Variants in PKHD1 observed in about 807,000 individuals in gnomAD.
PKHD1 encodes the protein PKHD1 ciliary IPT domain containing fibrocystin/polyductin.
In PKHD1, 291 loss-of-function variants were observed where a neutral mutation model predicts 412.0. The observed-to-expected ratio is 0.71, with a 90% CI of 0.64 to 0.78. The LOEUF (loss-of-function observed/expected upper bound fraction) is 0.78, where lower values mean the gene tolerates loss of function less well. Among genes scored for constraint, PKHD1 ranks in the 30% least tolerant of loss-of-function variants. The probability of loss-of-function intolerance (pLI) is 0.00; values close to 1 mark genes in which losing one functional copy is unlikely to be tolerated. For missense variants in PKHD1, 4,825 were observed against 4,950.7 expected, an observed-to-expected ratio of 0.97 and a Z score of 0.76; for synonymous variants, 1,777 against 1,821.5, an observed-to-expected ratio of 0.98 and a Z score of 0.62.
rs964016510 is a variant in PKHD1 at position 51,739,042 on chromosome 6, AT to A, written c.10156+5342del. 6.8e-5 allele frequency among the ~76,000 whole-genome samples: 10 copies of A among 147,184 alleles called. No individual in the cohort carries two copies. The East Asian group carries it at 1.2e-3, about 17-fold the overall frequency. On this transcript the variant is annotated intron_variant, in intron 60 of 66. Coordinates refer to ENST00000371117, the MANE Select transcript of PKHD1 (RefSeq NM_138694.4). The stretch of plus-strand genomic sequence containing the variant: ...GTGTGTATGTACTTTATATATATAT[AT>A]TTTTTATTTTATATATACGTATTTT...
intron 29 of PKHD1, among the ~76,000 whole-genome samples, chr6:52,030,085 T>C (rs1285069865): frequency 6.6e-6 from 1 of 152,192 alleles, no homozygotes; most frequent in Non-Finnish European, 1.5e-5. Flanking sequence ...CTAGCTCCTT[T>C]AGCCTGTAAC....
chr6:51,909,426 G>C lies in PKHD1; in HGVS notation c.6539C>G (p.Ser2180Cys), dbSNP rs1219696451. ...LYSMSEKMLG[S>C]RDMGARVIVQ... is the part of the protein sequence containing the mutation. ...GATCACTCTGGCTCCCATATCCCTG[G>C]ATCCTAGCATCTTCTCACTCATGGA... The change falls in exon 40 of 67, where the codon TCC becomes TGC. Residue 2180 changes from serine (S) to cysteine (C), a missense_variant. Transcript: ENST00000371117. The C allele has an allele frequency of 6.2e-7, 1 of 1,613,348 alleles. No individual in the cohort carries two copies. Among genetic ancestry groups the C allele is most frequent in the South Asian group, 1.1e-5 (1 of 91,064 alleles).
At chr6:52,070,603 C>CA (rs1224585393) in intron 9 of PKHD1, among the ~76,000 whole-genome samples, 158 bp from the exon 10 acceptor site, 2 of 149,644 alleles carry the variant, frequency 1.3e-5, no homozygotes, top group Non-Finnish European at 3.0e-5. Context: ...AACAAACAAA[C>CA]AAAAAAACAA....
In PKHD1 at chr6:52,071,037, A is replaced by G; in HGVS notation, c.636T>C (p.Thr212=). 6.2e-7 allele frequency: 1 copy of G among 1,608,168 alleles called. No homozygotes were observed. Among genetic ancestry groups the G allele is most frequent in the Non-Finnish European group, 8.5e-7 (1 of 1,174,710 alleles). The change falls in exon 9 of 67, where the codon ACT becomes ACC. Residue 212 remains threonine, a synonymous_variant. Coordinates refer to ENST00000371117, the MANE Select transcript of PKHD1 (RefSeq NM_138694.4). The part of the protein sequence containing the change: ...YPIQEDHGLG[T]LQCHVEGDYI... ...AGTCGCCTTCCACATGGCACTGCAG[A>G]GTCCCAAGACCATGGTCCTCCTGAA...
chr6:51,717,412 CAAAA>C (rs60675116), intron 60 of PKHD1, among the ~76,000 whole-genome samples: 1 of 123,228 alleles, frequency 8.1e-6, no homozygotes, highest in African/African-American at 2.8e-5. Context: ...AACTCTGTCT[CAAAA>C]AAAAAAAAAA....
Position 52,035,594 on chromosome 6 carries a change from G to T in PKHD1, c.3225C>A (p.Pro1075=). The T allele has an allele frequency of 6.2e-7, 1 of 1,613,674 alleles. No homozygotes were observed. The highest frequency in any genetic ancestry group is 1.7e-5 in the Admixed American group (1 of 59,992). The change falls in exon 28 of 67, where the codon CCC becomes CCA. Residue 1075 remains proline, a synonymous_variant. Coordinates refer to ENST00000371117, the MANE Select transcript of PKHD1 (RefSeq NM_138694.4). The stretch of plus-strand genomic sequence containing the variant: ...GATATGAAAGGAATCCACTTACCCT[G>T]GGTGGAACTTTGCACTGAATTCTGC... ...NSSRIQCKVP[P]RGKDGRIVNV...
intron 60 of PKHD1, among the ~76,000 whole-genome samples, chr6:51,687,507 A>G (rs1252347986): frequency 6.6e-6 from 1 of 152,222 alleles, no homozygotes; most frequent in East Asian, 1.9e-4. Context: ...CCATCTATTC[A>G]GTGGCCAGCA....
chr6:51,709,849 A>AT (rs10636108), intron 60 of PKHD1, among the ~76,000 whole-genome samples: 7,257 of 142,278 alleles, frequency 0.051, 248 homozygotes, highest in Middle Eastern at 0.12. Context: ...TGCTTTAGTC[A>AT]TTTTTTTTTT....
intron 21 of PKHD1, among the ~76,000 whole-genome samples, chr6:52,050,606 C>A (rs573855782): frequency 5.3e-5 from 8 of 152,200 alleles, no homozygotes; most frequent in African/African-American, 1.9e-4. Flanking sequence ...CACAGTTAAT[C>A]TATTGCAGTA....
At chr6:51,695,197 C>T (rs1187142273) in intron 60 of PKHD1, among the ~76,000 whole-genome samples, 1 of 151,978 alleles carries the variant, frequency 6.6e-6, no homozygotes, top group African/African-American at 2.4e-5. Flanking sequence ...CAATAAAATC[C>T]ACAGTATAAT....
chr6:51,768,212 A>G (rs1789467759), intron 55 of PKHD1, among the ~76,000 whole-genome samples: 1 of 151,788 alleles, frequency 6.6e-6, no homozygotes, highest in Non-Finnish European at 1.5e-5. Context: ...GATTCTGGAT[A>G]TTAGCCCTTT....
At position 51,830,883 on chromosome 6, in the gene PKHD1, C is replaced by A; in HGVS notation, c.8280G>T (p.Gly2760=). Residue 2760 remains glycine (G), a synonymous_variant, in exon 52 of 67, where the codon GGG becomes GGT. Coordinates refer to ENST00000371117, the MANE Select transcript of PKHD1 (RefSeq NM_138694.4). The part of the protein sequence containing the change: ...GGYNNTIPGP[G]DDVLILPNRT... ...CACTGGGTAAAATGAGAACGTCATC[C>A]CCAGGGCCTGGAATGGTATTGTTGT... 1.9e-6 allele frequency: 3 copies of A among 1,612,848 alleles called. No homozygotes were observed. Among genetic ancestry groups the A allele is most frequent in the Non-Finnish European group, 2.5e-6 (3 of 1,179,136 alleles).
chr6:51,732,773 T>C (rs1344183539), intron 60 of PKHD1, among the ~76,000 whole-genome samples: 2 of 152,228 alleles, frequency 1.3e-5, no homozygotes, highest in Non-Finnish European at 2.9e-5. Context: ...GACCTTGCTA[T>C]TTCACTTCTG....
At chr6:51,896,161 C>T (rs1315634122) in intron 43 of PKHD1, among the ~76,000 whole-genome samples, 3 of 152,282 alleles carry the variant, frequency 2.0e-5, no homozygotes, top group Admixed American at 6.5e-5. Context: ...TGGGTGGAGC[C>T]CACCACAGCT....
At chr6:51,950,220 A>AAAAAAAAAAATATATATATATATAT in intron 36 of PKHD1, among the ~76,000 whole-genome samples, 3 of 98,300 alleles carry the variant, frequency 3.1e-5, no homozygotes, top group African/African-American at 7.6e-5. Context: ...GAAAAAAAAA[A>AAAAAAAAAAATATATATATATATAT]ATATATATAT....
chr6:51,668,790 T>A (rs947252618), intron 60 of PKHD1, among the ~76,000 whole-genome samples: 3 of 152,244 alleles, frequency 2.0e-5, no homozygotes, highest in African/African-American at 4.8e-5. Context: ...CTTTTCTGCA[T>A]CTATTGAGAT....
intron 60 of PKHD1, among the ~76,000 whole-genome samples, chr6:51,718,582 T>A (rs1245992204): frequency 6.6e-6 from 1 of 152,178 alleles, no homozygotes; most frequent in Non-Finnish European, 1.5e-5. Context: ...ACTGATGAGA[T>A]CTGAAGTTGG....
chr6:51,935,834 T>G (rs1248142329), intron 36 of PKHD1, among the ~76,000 whole-genome samples: 1 of 152,230 alleles, frequency 6.6e-6, no homozygotes, highest in African/African-American at 2.4e-5. Flanking sequence ...ATCAAAAATA[T>G]CGGAAATATC....
chr6:52,061,984 G>A (rs1165158761), intron 14 of PKHD1, among the ~76,000 whole-genome samples: 2 of 152,142 alleles, frequency 1.3e-5, no homozygotes, highest in Admixed American at 1.3e-4. Context: ...CATTAAACAG[G>A]AAAATTAGAA....
Sources: gnomAD v4.1 joint callset for allele counts (sites outside exome capture counted in the v4.1 genomes callset) on GRCh38, gnomAD v4.1.1 for gene constraint, MANE v1.5 for transcripts, NCBI Gene and HGNC (gene_info 2026-07-23, HGNC 2026-07-21) for gene names.